CARMIL1: variants seen among roughly 807,000 people sequenced by gnomAD.
CARMIL1 encodes F-actin-uncapping protein LRRC16A.
In CARMIL1, 90 loss-of-function variants were observed where a neutral mutation model predicts 177.1. That is an observed-to-expected ratio of 0.51 (90% CI 0.43 to 0.61). The LOEUF is 0.61. Ranked by LOEUF, CARMIL1 falls within the 20% of genes least tolerant of loss-of-function variation. CARMIL1 has a pLI of 0.00. For synonymous variants in CARMIL1, 577 were observed against 606.2 expected (o/e 0.95, Z 0.71); for missense variants, 1,380 against 1,667.0 (o/e 0.83, Z 3.00).
intron 32 of CARMIL1, among the ~76,000 whole-genome samples, chr6:25,598,348 C>T (rs1815054040): frequency 6.6e-6 from 1 of 152,074 alleles, no homozygotes; most frequent in Non-Finnish European, 1.5e-5. Flanking sequence ...AGGTGATACT[C>T]CTACCTCAGA....
Position 25,509,863 on chromosome 6 carries a change from T to G in CARMIL1, c.1477+126T>G. On this transcript the variant is annotated intron_variant, in intron 18 of 36. Coordinates refer to ENST00000329474, the MANE Select transcript of CARMIL1 (RefSeq NM_017640.6). The surrounding 1 kb of genome is among the most constrained non-coding windows in gnomAD (Gnocchi z 4.1). ...AAAAAATTGTTTTTTATTTTTTGAC[T>G]AATAGGGCTTTTAAATTTAACAATG... is the stretch of plus-strand genomic sequence containing the variant. 1 of 636,862 alleles carries G rather than the reference T, an allele frequency of 1.6e-6. No homozygotes were observed. The highest frequency in any genetic ancestry group is 2.7e-6 in the Non-Finnish European group (1 of 372,514). 39.5% of individuals were successfully genotyped at this position (636,862 alleles called of 1,614,324 possible).
chr6:25,425,575 G>A (rs1796215474), intron 3 of CARMIL1, among the ~76,000 whole-genome samples: 1 of 152,040 alleles, frequency 6.6e-6, no homozygotes, highest in South Asian at 2.1e-4. Flanking sequence ...GTCCCCCACT[G>A]TCTCTAGCTC....
At chr6:25,459,269 T>TCTTTCTCTTTCTTTCTTTC (rs56094712) in intron 8 of CARMIL1, among the ~76,000 whole-genome samples, 9 of 118,170 alleles carry the variant, frequency 7.6e-5, no homozygotes, top group African/African-American at 2.9e-4. Context: ...TTTCTTTCTT[T>TCTTTCTCTTTCTTTCTTTC]TTTTTTTTTT....
At position 25,558,587 on chromosome 6, in the gene CARMIL1, G is replaced by A. The variant is rs1182649359; in HGVS notation, c.2742+1737G>A. Among the ~76,000 whole-genome samples, 1 of 152,226 alleles carries A rather than the reference G, an allele frequency of 6.6e-6. No homozygotes were observed. The highest frequency in any genetic ancestry group is 2.4e-5 in the African/African-American group (1 of 41,442). ...AACTTAAGGGACAGGCCTGCAGCAG[G>A]CACAGCCCCTGTGAGTCAGCATCCA... is the stretch of plus-strand genomic sequence containing the variant. On this transcript the variant is annotated intron_variant, in intron 29 of 36. Coordinates refer to ENST00000329474, the MANE Select transcript of CARMIL1 (RefSeq NM_017640.6). The surrounding 1 kb of genome is among the most constrained non-coding windows in gnomAD (Gnocchi z 4.1).
intron 8 of CARMIL1, among the ~76,000 whole-genome samples, chr6:25,455,425 T>C (rs986009496): frequency 6.6e-6 from 1 of 152,248 alleles, no homozygotes; most frequent in African/African-American, 2.4e-5. Context: ...GCTGTGTCTG[T>C]CTTGCTTATG....
chr6:25,361,377 T>C (rs977525783), intron 2 of CARMIL1, among the ~76,000 whole-genome samples: 1 of 151,962 alleles, frequency 6.6e-6, no homozygotes, highest in South Asian at 2.1e-4. Flanking sequence ...TCTTTACCTT[T>C]CCCCCCCTGC....
intron 29 of CARMIL1, among the ~76,000 whole-genome samples, chr6:25,574,461 C>T (rs747708040): frequency 2.0e-5 from 3 of 152,200 alleles, no homozygotes; most frequent in Non-Finnish European, 2.9e-5. Context: ...GCCTGATGCA[C>T]AGTATGTGCT....
chr6:25,393,223 G>A (rs1272568508), intron 2 of CARMIL1, among the ~76,000 whole-genome samples: 1 of 152,112 alleles, frequency 6.6e-6, no homozygotes, highest in Non-Finnish European at 1.5e-5. Context: ...TAGGATTGTT[G>A]TAAGACTTAT....
Position 25,606,382 on chromosome 6 carries a change from C to T in CARMIL1, c.3847+109C>T, listed in dbSNP as rs1045412305. The T allele has an allele frequency of 2.3e-5, 22 of 960,870 alleles. No homozygotes were observed. The East Asian group carries it at 3.7e-4, about 16-fold the overall frequency. 59.5% of individuals were successfully genotyped at this position (960,870 alleles called of 1,614,324 possible). A position where few individuals can be genotyped will look rare whatever the true frequency, so the allele number is the denominator to read the frequency against. On this transcript the variant is annotated intron_variant, in intron 35 of 36. Transcript: ENST00000329474. ...GGGGCAGCTGGTGAGCGAGGTACAGCGGCTTCTGCAGGAGGGGATCACAAG... is the reference window on the plus strand; with the variant it reads ...GGGGCAGCTGGTGAGCGAGGTACAGTGGCTTCTGCAGGAGGGGATCACAAG...
chr6:25,304,185 T>C (rs962592258), intron 2 of CARMIL1, among the ~76,000 whole-genome samples: 2 of 152,116 alleles, frequency 1.3e-5, no homozygotes, highest in African/African-American at 4.8e-5. Context: ...ACTGGGACAA[T>C]TGATAAAAAT....
intron 4 of CARMIL1, among the ~76,000 whole-genome samples, chr6:25,426,801 G>C (rs1213668367): frequency 6.6e-6 from 1 of 152,162 alleles, no homozygotes; most frequent in South Asian, 2.1e-4. Context: ...CAGTGTAAAC[G>C]TGAGAGTACT....
chr6:25,435,392 C>A, intron 4 of CARMIL1, 91 bp from the exon 5 acceptor site: 1 of 1,410,098 alleles, frequency 7.1e-7, no homozygotes, highest in Non-Finnish European at 9.4e-7. Flanking sequence ...TAGTATATAT[C>A]TGTGTGACTA....
In CARMIL1 at chr6:25,619,992, A is replaced by G. The variant is rs1318163368; in HGVS notation, c.*409A>G. 2 of 156,996 alleles carry G rather than the reference A, an allele frequency of 1.3e-5. No individual in the cohort carries two copies. Among genetic ancestry groups the G allele is most frequent in the African/African-American group, 4.8e-5 (2 of 41,466 alleles). 9.7% of individuals were successfully genotyped at this position (156,996 alleles called of 1,614,324 possible). ...ACACTCACACAAGTAACACCACAGCAGACCTCGGAGTACTGCTAAGTGTAC... is the reference window on the plus strand; with the variant it reads ...ACACTCACACAAGTAACACCACAGCGGACCTCGGAGTACTGCTAAGTGTAC... On this transcript the variant is annotated 3_prime_UTR_variant, in exon 37 of 37. Coordinates refer to ENST00000329474, the MANE Select transcript of CARMIL1 (RefSeq NM_017640.6).
intron 27 of CARMIL1, among the ~76,000 whole-genome samples, chr6:25,551,401 A>AG (rs1347271914): frequency 1.3e-5 from 2 of 152,306 alleles, no homozygotes; most frequent in South Asian, 4.1e-4. Flanking sequence ...TCACCTTTAC[A>AG]GATCACTAGC....
At chr6:25,549,385 C>T (rs1582327127) in intron 26 of CARMIL1, among the ~76,000 whole-genome samples, 1 of 152,214 alleles carries the variant, frequency 6.6e-6, no homozygotes, top group African/African-American at 2.4e-5. Flanking sequence ...ATTACTCCAT[C>T]TAGAACAAAA....
intron 17 of CARMIL1, among the ~76,000 whole-genome samples, chr6:25,502,047 G>A (rs761211476): frequency 2.7e-5 from 4 of 148,382 alleles, no homozygotes; most frequent in Non-Finnish European, 4.4e-5. Context: ...CTAACCTTGC[G>A]TTGTGGAATT....
intron 1 of CARMIL1, among the ~76,000 whole-genome samples, chr6:25,284,590 T>C (rs568887237): frequency 3.3e-5 from 5 of 152,284 alleles, no homozygotes; most frequent in South Asian, 2.1e-4. Context: ...GCGCCTGTAG[T>C]CTCAGCTGTT....
At chr6:25,552,842 G>T (rs1198679857) in intron 27 of CARMIL1, among the ~76,000 whole-genome samples, 2 of 152,102 alleles carry the variant, frequency 1.3e-5, no homozygotes, top group African/African-American at 4.8e-5. Flanking sequence ...ATCAGAGGAA[G>T]TACTTAAAAT....
At chr6:25,429,093 A>G (rs1164507963) in intron 4 of CARMIL1, among the ~76,000 whole-genome samples, 2 of 152,190 alleles carry the variant, frequency 1.3e-5, no homozygotes, top group Non-Finnish European at 2.9e-5. Flanking sequence ...TGGGTATGCC[A>G]GGAATTTAGG....
Sources: allele counts gnomAD v4.1 joint callset (sites outside exome capture counted in the v4.1 genomes callset), GRCh38; gene constraint gnomAD v4.1.1; non-coding constraint Gnocchi (gnomAD v3.1); transcripts MANE v1.5; gene names NCBI Gene and HGNC (gene_info 2026-07-23, HGNC 2026-07-21).